Variants in SLC22A24 observed in about 807,000 individuals in gnomAD.
SLC22A24 encodes the protein solute carrier family 22 member 24.
Under a neutral mutation model 49.8 loss-of-function variants are expected in SLC22A24, and 53 were observed. That is an observed-to-expected ratio of 1.06 (90% confidence interval 0.85 to 1.34). The LOEUF is 1.34. Among genes scored for constraint, SLC22A24 ranks in the 40% most tolerant of loss-of-function variants. The pLI, the probability that SLC22A24 is intolerant of heterozygous loss-of-function variation, is 0.00. For missense variants in SLC22A24, 786 were observed against 675.9 expected (o/e 1.16, Z -1.81); for synonymous variants, 302 against 256.4 (o/e 1.18, Z -1.70).
chr11:63,130,811 A>T (rs11518687), intron 2 of SLC22A24, among the ~76,000 whole-genome samples: 1 of 151,580 alleles, frequency 6.6e-6, no homozygotes, highest in Non-Finnish European at 1.5e-5. Context: ...CTGTGGGATC[A>T]GTGGTGCTGG....
rs2087187052 is a variant in SLC22A24 at position 63,113,219 on chromosome 11, T to TATATATATACATATATATACAC, written c.830+5692_830+5693insGTGTATATATATGTATATATAT. ...ATATATATACATATATATACACATA[T>TATATATATACATATATATACAC]ATATATATACATATATATATATATA... is the stretch of plus-strand genomic sequence containing the variant. On this transcript the variant is annotated intron_variant, in intron 4 of 9. Coordinates refer to ENST00000612278, the MANE Select transcript of SLC22A24 (RefSeq NM_001136506.2). Among the ~76,000 whole-genome samples, 5 of 5,152 alleles carry TATATATATACATATATATACAC rather than the reference T, an allele frequency of 9.7e-4. 2 individuals are homozygous for TATATATATACATATATATACAC. Among genetic ancestry groups the TATATATATACATATATATACAC allele is most frequent in the Non-Finnish European group, 5.1e-3 (4 of 786 alleles). 3.4% of individuals were successfully genotyped at this position (5,152 alleles called of 152,430 possible).
intron 2 of SLC22A24, among the ~76,000 whole-genome samples, chr11:63,119,547 A>T (rs2087237126): frequency 6.6e-6 from 1 of 152,210 alleles, no homozygotes; most frequent in African/African-American, 2.4e-5. Flanking sequence ...CAAAGCTCTC[A>T]CCAAACCATC....
intron 9 of SLC22A24, among the ~76,000 whole-genome samples, chr11:63,080,376 C>A (rs1203828742): frequency 6.6e-6 from 1 of 152,148 alleles, no homozygotes. Context: ...AACAAATTTG[C>A]CTAAATCTCA....
Position 63,127,365 on chromosome 11 carries a change from A to G in SLC22A24, c.506+7300T>C, listed in dbSNP as rs182232858. On this transcript the variant is annotated intron_variant, in intron 2 of 9. Transcript: ENST00000612278. ...GGTGTATATGTGCCACATTTTCTTA[A>G]TCCAATCTGTCATTGGTGGACATTT... Among the ~76,000 whole-genome samples the G allele has an allele frequency of 3.6e-4, 55 of 152,198 alleles. 1 individual carries two copies. Among genetic ancestry groups the G allele is most frequent in the Admixed American group, 2.3e-3 (35 of 15,282 alleles).
At chr11:63,112,524 G>T (rs921868867) in intron 4 of SLC22A24, among the ~76,000 whole-genome samples, 2 of 152,136 alleles carry the variant, frequency 1.3e-5, no homozygotes, top group African/African-American at 2.4e-5. Flanking sequence ...TATTAGTCTT[G>T]CTAGCAGTCT....
intron 6 of SLC22A24, among the ~76,000 whole-genome samples, chr11:63,091,657 CA>C (rs1350079124): frequency 2.6e-5 from 4 of 152,074 alleles, no homozygotes; most frequent in Non-Finnish European, 4.4e-5. Flanking sequence ...TGACAAAAAC[CA>C]CATGATTATC....
Position 63,143,720 on chromosome 11 carries a change from C to A in SLC22A24, c.60G>T (p.Leu20=). The A allele has an allele frequency of 6.6e-7, 1 of 1,524,248 alleles. No homozygotes were observed. The highest frequency in any genetic ancestry group is 1.3e-5 in the South Asian group (1 of 75,440). The allele number at this position is 1,524,248 out of a possible 1,614,324, so 94.4% of individuals were successfully genotyped here. A position where few individuals can be genotyped will look rare whatever the true frequency, so the allele number is the denominator to read the frequency against. Residue 20 remains leucine, a synonymous_variant, in exon 1 of 10, where the codon CTG becomes CTT. Transcript: ENST00000612278. ...TGTTGGTGATGCAAAAGAAAGCTAT[C>A]AGACAAATCTGGAATCTCCCCATGC... ...VGGMGRFQIC[L]IAFFCITNIL...
chr11:63,104,260 T>C lies in SLC22A24; in HGVS notation c.869A>G (p.Asn290Ser). 1 of 1,550,774 alleles carries C rather than the reference T, an allele frequency of 6.4e-7. No homozygotes were observed. The highest frequency in any genetic ancestry group is 8.7e-7 in the Non-Finnish European group (1 of 1,146,866). The change falls in exon 5 of 10, where the codon AAT becomes AGT. Residue 290 changes from asparagine to serine, a missense_variant. Asn to Ser is a conservative substitution (Grantham distance 46). Coordinates refer to ENST00000612278, the MANE Select transcript of SLC22A24 (RefSeq NM_001136506.2). ...CTCCTTTAAGCCCTCATCTAGCTGATTGTTGATAATCAGCCACCGAGCAGA... is the reference window on the plus strand; with the variant it reads ...CTCCTTTAAGCCCTCATCTAGCTGACTGTTGATAATCAGCCACCGAGCAGA... The part of the protein sequence containing the change: ...VESARWLIIN[N>S]QLDEGLKELR...
At chr11:63,111,798 C>G (rs1020716627) in intron 4 of SLC22A24, among the ~76,000 whole-genome samples, 1 of 152,058 alleles carries the variant, frequency 6.6e-6, no homozygotes, top group African/African-American at 2.4e-5. Flanking sequence ...TTCAAAAAAC[C>G]AGCTCCTGGA....
chr11:63,098,072 A>T (rs2087066845), intron 5 of SLC22A24, among the ~76,000 whole-genome samples: 1 of 152,236 alleles, frequency 6.6e-6, no homozygotes, highest in Admixed American at 6.5e-5. Flanking sequence ...TGTATTTCAG[A>T]ACTTAAATTA....
chr11:63,132,427 C>T (rs2087343281), intron 2 of SLC22A24, among the ~76,000 whole-genome samples: 1 of 152,120 alleles, frequency 6.6e-6, no homozygotes, highest in Non-Finnish European at 1.5e-5. Context: ...TTTTATCTAC[C>T]TTTGGTCTTT....
chr11:63,132,967 C>T (rs1041569489), intron 2 of SLC22A24, among the ~76,000 whole-genome samples: 7 of 152,176 alleles, frequency 4.6e-5, no homozygotes, highest in African/African-American at 7.2e-5. Context: ...CTGCCCAGTT[C>T]GAACTTCCCA....
intron 2 of SLC22A24, among the ~76,000 whole-genome samples, chr11:63,125,804 C>T (rs1433680835): frequency 6.6e-6 from 1 of 152,214 alleles, no homozygotes; most frequent in Non-Finnish European, 1.5e-5. Context: ...TTCTCCACAT[C>T]CTCTCCAGCA....
At chr11:63,141,161 T>C (rs1013871821) in intron 1 of SLC22A24, among the ~76,000 whole-genome samples, 1 of 152,212 alleles carries the variant, frequency 6.6e-6, no homozygotes, top group Non-Finnish European at 1.5e-5. Flanking sequence ...GTCAAACTAA[T>C]TAAAACTGGA....
At chr11:63,087,923 A>G (rs1034369073) in intron 6 of SLC22A24, among the ~76,000 whole-genome samples, 2 of 152,190 alleles carry the variant, frequency 1.3e-5, no homozygotes, top group African/African-American at 2.4e-5. Flanking sequence ...AGGTTTACAG[A>G]CAAAATCCTC....
At chr11:63,087,051 C>CACACAT (rs2086991565) in intron 6 of SLC22A24, among the ~76,000 whole-genome samples, 4 of 110,828 alleles carry the variant, frequency 3.6e-5, no homozygotes, top group South Asian at 7.4e-4. Flanking sequence ...CACACACACA[C>CACACAT]ACACACAGAG....
chr11:63,098,761 A>C lies in SLC22A24; in HGVS notation c.955-2655T>G, dbSNP rs549315925. Among the ~76,000 whole-genome samples the C allele has an allele frequency of 2.9e-3, 441 of 152,292 alleles. 1 individual carries two copies. Among genetic ancestry groups the C allele is most frequent in the African/African-American group, 9.9e-3 (412 of 41,576 alleles). On this transcript the variant is annotated intron_variant, in intron 5 of 9. Coordinates refer to ENST00000612278, the MANE Select transcript of SLC22A24 (RefSeq NM_001136506.2). Reference sequence around the variant, plus strand: ...AAAAACAAGGGCAAACCAAACCCCCAAAATAGTAGAAGTAACAAAGATCAG... The same window carrying C: ...AAAAACAAGGGCAAACCAAACCCCCCAAATAGTAGAAGTAACAAAGATCAG...
intron 7 of SLC22A24, 88 bp from the exon 8 acceptor site, chr11:63,081,754 T>C: frequency 1.1e-6 from 1 of 886,830 alleles, no homozygotes; most frequent in Non-Finnish European, 1.8e-6. Flanking sequence ...ATGGAGGAAT[T>C]TGCAAGTGTG....
At chr11:63,137,523 G>A (rs2087384057) in intron 1 of SLC22A24, among the ~76,000 whole-genome samples, 1 of 152,154 alleles carries the variant, frequency 6.6e-6, no homozygotes, top group Non-Finnish European at 1.5e-5. Context: ...TACATTTGCA[G>A]GTTATCTCTC....
Sources: gnomAD v4.1 joint callset for allele counts (sites outside exome capture counted in the v4.1 genomes callset) on GRCh38, gnomAD v4.1.1 for gene constraint, MANE v1.5 for transcripts, NCBI Gene and HGNC (gene_info 2026-07-23, HGNC 2026-07-21) for gene names.